CFAP44: variants seen among roughly 807,000 people sequenced by gnomAD.
CFAP44 encodes cilia- and flagella-associated protein 44.
Under a neutral mutation model 216.2 loss-of-function variants are expected in CFAP44, and 134 were observed. That is an observed-to-expected ratio of 0.62 (90% CI 0.54 to 0.72). The LOEUF is 0.72. Ranked by LOEUF, CFAP44 falls within the 30% of genes least tolerant of loss-of-function variation. The probability of loss-of-function intolerance (pLI) is 0.00; values close to 1 mark genes in which losing one functional copy is unlikely to be tolerated. For synonymous variants in CFAP44, 700 were observed against 727.6 expected, an observed-to-expected ratio of 0.96 and a Z score of 0.61; for missense variants, 2,035 against 2,182.1, an observed-to-expected ratio of 0.93 and a Z score of 1.34.
chr3:113,362,988 A>G (rs2306792), intron 21 of CFAP44, 157 bp downstream of exon 21: 31,399 of 1,378,454 alleles, frequency 0.023, 450 homozygotes, highest in East Asian at 0.063. Context: ...CCCACATACA[A>G]ATTAAAAGAT....
At chr3:113,429,635 GT>G (rs1228116783) in intron 2 of CFAP44, among the ~76,000 whole-genome samples, 1 of 151,880 alleles carries the variant, frequency 6.6e-6, no homozygotes. Flanking sequence ...TATTGATATG[GT>G]TAGATTTTAA....
intron 24 of CFAP44, among the ~76,000 whole-genome samples, chr3:113,335,796 A>T (rs886950681): frequency 3.9e-5 from 6 of 152,254 alleles, no homozygotes; most frequent in African/African-American, 1.4e-4. Context: ...ACTCTTTTCA[A>T]GCACATATTG....
At chr3:113,438,901 C>G (rs950265227) in intron 1 of CFAP44, among the ~76,000 whole-genome samples, 3 of 152,146 alleles carry the variant, frequency 2.0e-5, no homozygotes, top group African/African-American at 7.2e-5. Flanking sequence ...TCTTTACCAC[C>G]CTGAGAGCTC....
chr3:113,414,500 C>A (rs1347231520), intron 6 of CFAP44, among the ~76,000 whole-genome samples: 1 of 152,130 alleles, frequency 6.6e-6, no homozygotes, highest in Admixed American at 6.6e-5. Context: ...GTGGGTTTGT[C>A]ATAAATAGCA....
chr3:113,379,227 G>A, intron 17 of CFAP44, 79 bp downstream of exon 17: 1 of 1,050,178 alleles, frequency 9.5e-7, no homozygotes, highest in East Asian at 2.9e-5. Context: ...TAACATAAGA[G>A]TAAGAAAGAA....
Position 113,291,335 on chromosome 3 carries a change from T to C in CFAP44, c.*222A>G. The stretch of plus-strand genomic sequence containing the variant: ...TATTCAATCTAGTAGGTTCGAAACA[T>C]CTAAAATGATTCAGTTTCATAACAG... On this transcript the variant is annotated 3_prime_UTR_variant, in exon 35 of 35. Coordinates refer to ENST00000393845, the MANE Select transcript of CFAP44 (RefSeq NM_001164496.2). The C allele has an allele frequency of 2.0e-6, 1 of 498,912 alleles. No homozygotes were observed. The highest frequency in any genetic ancestry group is 3.3e-5 in the South Asian group (1 of 29,940). The allele number at this position is 498,912 out of a possible 1,614,324, so 30.9% of individuals were successfully genotyped here.
Position 113,419,712 on chromosome 3 carries a change from C to T in CFAP44, c.570+305G>A, listed in dbSNP as rs1006999344. 4.6e-5 allele frequency among the ~76,000 whole-genome samples: 7 copies of T among 152,332 alleles called. No homozygotes were observed. The East Asian group carries it at 1.3e-3, about 29-fold the overall frequency. On this transcript the variant is annotated intron_variant, in intron 5 of 34. Coordinates refer to ENST00000393845, the MANE Select transcript of CFAP44 (RefSeq NM_001164496.2). ...TTCTTTAAAATCTCCTCACTCATCT[C>T]CACTTCTAATCTAAATATGAAAAAC... is the stretch of plus-strand genomic sequence containing the variant.
At chr3:113,326,717 C>T (rs529494380) in intron 27 of CFAP44, 77 bp from the exon 28 acceptor site, 1 of 814,762 alleles carries the variant, frequency 1.2e-6, no homozygotes, top group South Asian at 2.9e-5. Context: ...CTTTACAATA[C>T]AAGGTTACAG....
intron 28 of CFAP44, among the ~76,000 whole-genome samples, chr3:113,311,812 A>G (rs1950041386): frequency 6.6e-6 from 1 of 152,180 alleles, no homozygotes; most frequent in Non-Finnish European, 1.5e-5. Flanking sequence ...TGATAGTGAT[A>G]TGGACAATAA....
At chr3:113,382,438 A>G (rs1933540478) in intron 15 of CFAP44, among the ~76,000 whole-genome samples, 1 of 152,204 alleles carries the variant, frequency 6.6e-6, no homozygotes, top group Non-Finnish European at 1.5e-5. Flanking sequence ...AGAGAGTGAT[A>G]GATAAGGAAA....
intron 24 of CFAP44, among the ~76,000 whole-genome samples, chr3:113,334,565 CT>C (rs1178690205): frequency 6.6e-6 from 1 of 152,068 alleles, no homozygotes; most frequent in Non-Finnish European, 1.5e-5. Flanking sequence ...TGAATATTAT[CT>C]TCTTGGTGAA....
chr3:113,330,139 C>T, intron 26 of CFAP44, 29 bp downstream of exon 26: 1 of 1,470,546 alleles, frequency 6.8e-7, no homozygotes, highest in South Asian at 1.4e-5. Context: ...TCTCTTTCAG[C>T]TTTAACTAGG....
chr3:113,303,823 A>T, intron 32 of CFAP44, 93 bp downstream of exon 32: 3 of 1,336,388 alleles, frequency 2.2e-6, no homozygotes, highest in Admixed American at 2.3e-5. Context: ...CTGAGTCTGC[A>T]ATTACTATTT....
chr3:113,380,844 T>A (rs552223161), intron 16 of CFAP44, 55 bp downstream of exon 16: 18 of 1,388,534 alleles, frequency 1.3e-5, no homozygotes, highest in Non-Finnish European at 3.8e-6. Context: ...TAGGATATTT[T>A]ATATTCTAAG....
intron 18 of CFAP44, among the ~76,000 whole-genome samples, chr3:113,367,747 TGACAGAAGTAGGCTTCA>T: frequency 6.6e-6 from 1 of 152,166 alleles, no homozygotes; most frequent in Middle Eastern, 3.4e-3. Context: ...ATGAGTTAGT[TGACAGAAGTAGGCTTCA>T]GAAGGTTGGT....
chr3:113,382,029 T>G (rs1295217925), intron 15 of CFAP44, among the ~76,000 whole-genome samples: 1 of 152,052 alleles, frequency 6.6e-6, no homozygotes, highest in African/African-American at 2.4e-5. Flanking sequence ...TAAGGGAGGG[T>G]TTGAGGGAGC....
At chr3:113,310,365 G>A (rs571371555) in intron 28 of CFAP44, among the ~76,000 whole-genome samples, 29 of 152,322 alleles carry the variant, frequency 1.9e-4, no homozygotes, top group African/African-American at 7.0e-4. Context: ...ATGTGGAGCT[G>A]GAACCCACAC....
chr3:113,358,379 A>G (rs1040267093), intron 22 of CFAP44, among the ~76,000 whole-genome samples: 7 of 152,128 alleles, frequency 4.6e-5, no homozygotes, highest in Non-Finnish European at 1.0e-4. Flanking sequence ...GGATAAAACC[A>G]GAGCCACCTC....
intron 22 of CFAP44, among the ~76,000 whole-genome samples, chr3:113,356,311 A>T (rs60079554): frequency 0.083 from 12,595 of 151,946 alleles, 638 homozygotes; most frequent in East Asian, 0.15. Flanking sequence ...TTTCTTAATG[A>T]CTATTATTTC....
Sources: gnomAD v4.1 joint callset for allele counts (sites outside exome capture counted in the v4.1 genomes callset) on GRCh38, gnomAD v4.1.1 for gene constraint, MANE v1.5 for transcripts, NCBI Gene and HGNC (gene_info 2026-07-23, HGNC 2026-07-21) for gene names.